PPEF1: variants seen among roughly 807,000 people sequenced by gnomAD.
PPEF1 encodes the protein serine/threonine-protein phosphatase with EF-hands 1.
Under a neutral mutation model 53.3 loss-of-function variants are expected in PPEF1, and 12 were observed. The ratio of observed to expected loss-of-function variants is 0.23; its 90% CI spans 0.14 to 0.36. The LOEUF (loss-of-function observed/expected upper bound fraction) is 0.36. Among genes scored for constraint, PPEF1 ranks in the 10% least tolerant of loss-of-function variants. PPEF1 has a pLI of 1.00. For missense variants in PPEF1, 334 were observed against 490.4 expected (o/e 0.68, Z 3.01); for synonymous variants, 165 against 176.7 (o/e 0.93, Z 0.52).
At chrX:18,725,072 T>A (rs2044674983) in intron 1 of PPEF1, among the ~76,000 whole-genome samples, 1 of 110,859 alleles carries the variant, frequency 9.0e-6, no homozygotes, top group Admixed American at 9.7e-5. Context: ...GTACCCCAAA[T>A]CTCAACGTAG....
chrX:18,693,356 G>A (rs2147246638), intron 4 of PPEF1, among the ~76,000 whole-genome samples: 1 of 111,598 alleles, frequency 9.0e-6, no homozygotes, highest in African/African-American at 3.2e-5. Flanking sequence ...CCTTTGCTGT[G>A]TACTCTATGT....
chrX:18,677,739 A>G (rs1301353965), intron 1 of PPEF1, among the ~76,000 whole-genome samples: 1 of 111,467 alleles, frequency 9.0e-6, no homozygotes, highest in Non-Finnish European at 1.9e-5. Context: ...CCTCTGGATC[A>G]GGATGGGTTG....
chrX:18,765,457 A>G (rs745891812), intron 6 of PPEF1, among the ~76,000 whole-genome samples: 2 of 111,619 alleles, frequency 1.8e-5, no homozygotes, highest in Non-Finnish European at 3.8e-5. Flanking sequence ...TTTAGCTGCT[A>G]TTGCCACAAA....
chrX:18,731,268 G>A (rs1383296987), intron 2 of PPEF1, among the ~76,000 whole-genome samples: 1 of 112,011 alleles, frequency 8.9e-6, no homozygotes. Context: ...GGTATTGGTG[G>A]GTGTGGGTTG....
At chrX:18,739,008 A>G (rs2045072149) in intron 3 of PPEF1, among the ~76,000 whole-genome samples, 1 of 111,725 alleles carries the variant, frequency 9.0e-6, no homozygotes, top group Non-Finnish European at 1.9e-5. Context: ...TACGCTGTTT[A>G]TTCTAGTTAG....
At chrX:18,727,816 C>G (rs1337124156) in intron 1 of PPEF1, among the ~76,000 whole-genome samples, 1 of 111,458 alleles carries the variant, frequency 9.0e-6, no homozygotes, top group Non-Finnish European at 1.9e-5. Context: ...GAAACACTTC[C>G]TTACATTTAC....
intron 7 of PPEF1, among the ~76,000 whole-genome samples, chrX:18,780,286 G>A (rs1464066067): frequency 8.9e-6 from 1 of 112,049 alleles, no homozygotes. Flanking sequence ...GCTTTAGCCT[G>A]AGAGCTGAAG....
intron 6 of PPEF1, among the ~76,000 whole-genome samples, chrX:18,764,261 G>T (rs2045724529): frequency 9.0e-6 from 1 of 111,456 alleles, no homozygotes; most frequent in Non-Finnish European, 1.9e-5. Context: ...GTTCAACAGT[G>T]GGGGGCACCA....
intron 2 of PPEF1, among the ~76,000 whole-genome samples, chrX:18,685,737 C>T (rs760035781): frequency 7.4e-5 from 8 of 107,918 alleles, no homozygotes; most frequent in South Asian, 8.1e-4. Flanking sequence ...TTTGTGCAGA[C>T]GGAGTAGGCT....
chrX:18,820,549 C>G (rs964631885), intron 13 of PPEF1, among the ~76,000 whole-genome samples: 4 of 110,729 alleles, frequency 3.6e-5, no homozygotes, highest in Non-Finnish European at 5.7e-5. Context: ...CCACGCCCAG[C>G]TAATTTTTTG....
intron 3 of PPEF1, among the ~76,000 whole-genome samples, chrX:18,743,424 T>C (rs1288504883): frequency 1.9e-5 from 2 of 106,938 alleles, no homozygotes; most frequent in Admixed American, 1.0e-4. Context: ...CTCACTTTTT[T>C]TCTTTTCTTT....
At chrX:18,808,542 G>A (rs749984732) in intron 12 of PPEF1, among the ~76,000 whole-genome samples, 1 of 66,046 alleles carries the variant, frequency 1.5e-5, no homozygotes, top group Admixed American at 1.7e-4. Context: ...GAACTCATAC[G>A]ACTCAACAGC....
chrX:18,738,376 A>C (rs1005289472), intron 3 of PPEF1, among the ~76,000 whole-genome samples: 1 of 111,368 alleles, frequency 9.0e-6, no homozygotes. Context: ...TTTCTCCTTC[A>C]CTTACGAAGC....
upstream of PPEF1, among the ~76,000 whole-genome samples, chrX:18,703,170 G>A (rs971103771): frequency 9.0e-6 from 1 of 111,054 alleles, no homozygotes; most frequent in East Asian, 2.8e-4. Flanking sequence ...AGTCTAGGTG[G>A]GGCAGTACAT....
At chrX:18,714,281 T>TC (rs1364404276) in intron 1 of PPEF1, among the ~76,000 whole-genome samples, 1 of 99,626 alleles carries the variant, frequency 1.0e-5, no homozygotes, top group Non-Finnish European at 2.0e-5. Context: ...TTTTTTGTTT[T>TC]TTTTTTTTGA....
At chrX:18,781,600 G>C (rs1396003915) in intron 7 of PPEF1, among the ~76,000 whole-genome samples, 2 of 111,723 alleles carry the variant, frequency 1.8e-5, no homozygotes, top group African/African-American at 3.3e-5. Context: ...AAATAGTATG[G>C]ACACCTTTGG....
At position 18,784,065 on chromosome X, in the gene PPEF1, G is replaced by A; in HGVS notation, c.912+17G>A. On this transcript the variant is annotated intron_variant, in intron 9 of 15. Transcript: ENST00000470157. ...AGGAACAAGGTAAGAAGTAATGTTG[G>A]CATGAATCTTCTCTCAGGGATTTAG... The A allele has an allele frequency of 1.7e-6, 2 of 1,164,311 alleles. No homozygotes were observed. Among genetic ancestry groups the A allele is most frequent in the South Asian group, 2.0e-5 (1 of 48,882 alleles).
intron 5 of PPEF1, 121 bp from the exon 6 acceptor site, chrX:18,761,409 G>T (rs956218930): frequency 6.7e-6 from 4 of 597,257 alleles, no homozygotes; most frequent in Non-Finnish European, 1.1e-5. Context: ...AATTAACATC[G>T]TCATAGGATA....
chrX:18,694,547 A>G (rs757371255), intron 4 of PPEF1, among the ~76,000 whole-genome samples: 60 of 111,695 alleles, frequency 5.4e-4, no homozygotes, highest in Non-Finnish European at 1.0e-3. Flanking sequence ...GACCAGTCTG[A>G]ACAACGTGGC....
Sources: allele counts gnomAD v4.1 joint callset (sites outside exome capture counted in the v4.1 genomes callset), GRCh38; gene constraint gnomAD v4.1.1; transcripts MANE v1.5; gene names NCBI Gene and HGNC (gene_info 2026-07-23, HGNC 2026-07-21).